Variants in ITFG1 observed in about 807,000 individuals in gnomAD.
The protein encoded by ITFG1 is T-cell immunomodulatory protein.
ITFG1 carries 34 observed loss-of-function variants against 81.8 expected under a neutral mutation model. That is an observed-to-expected ratio of 0.42 (90% CI 0.32 to 0.55). The LOEUF (loss-of-function observed/expected upper bound fraction) is 0.55, where lower values mean the gene tolerates loss of function less well. ITFG1 is among the 20% of genes least tolerant of loss of function. The probability of loss-of-function intolerance (pLI) is 0.17; values close to 1 mark genes in which losing one functional copy is unlikely to be tolerated. For missense variants in ITFG1, 672 were observed against 755.4 expected, an observed-to-expected ratio of 0.89 and a Z score of 1.29; for synonymous variants, 285 against 270.6, an observed-to-expected ratio of 1.05 and a Z score of -0.52.
At chr16:47,288,078 C>A (rs1966877119) in intron 10 of ITFG1, among the ~76,000 whole-genome samples, 1 of 152,168 alleles carries the variant, frequency 6.6e-6, no homozygotes, top group South Asian at 2.1e-4. Context: ...GAGAAAGAGT[C>A]TATTAACCAA....
intron 10 of ITFG1, among the ~76,000 whole-genome samples, chr16:47,273,289 T>C (rs562566818): frequency 1.3e-5 from 2 of 152,072 alleles, no homozygotes; most frequent in East Asian, 3.9e-4. Flanking sequence ...CAGTTCTACA[T>C]GGAGAAGAAA....
intron 8 of ITFG1, among the ~76,000 whole-genome samples, chr16:47,334,269 C>T (rs1415740724): frequency 3.3e-5 from 5 of 151,766 alleles, no homozygotes; most frequent in African/African-American, 4.8e-5. Flanking sequence ...GGCAACATGG[C>T]CAAAGGAAGT....
intron 5 of ITFG1, among the ~76,000 whole-genome samples, chr16:47,435,321 C>T (rs1477031780): frequency 6.6e-6 from 1 of 152,040 alleles, no homozygotes; most frequent in Non-Finnish European, 1.5e-5. Flanking sequence ...CATTTGAAGG[C>T]TAAGGTCACA....
chr16:47,332,823 T>G (rs1408153353), intron 8 of ITFG1, among the ~76,000 whole-genome samples: 1 of 152,204 alleles, frequency 6.6e-6, no homozygotes, highest in African/African-American at 2.4e-5. Context: ...CATAAGTCAG[T>G]GAACAACATC....
chr16:47,432,515 C>T (rs1969108278), intron 5 of ITFG1, among the ~76,000 whole-genome samples: 1 of 152,210 alleles, frequency 6.6e-6, no homozygotes, highest in South Asian at 2.1e-4. Flanking sequence ...GCCTTCTACA[C>T]ATATTTTAGC....
intron 4 of ITFG1, among the ~76,000 whole-genome samples, chr16:47,451,723 A>C (rs1246403614): frequency 2.0e-5 from 3 of 152,212 alleles, no homozygotes; most frequent in Non-Finnish European, 2.9e-5. Context: ...TGTGATTCAG[A>C]TGGACTAGCT....
upstream of ITFG1, chr16:47,461,069 C>A (rs1969536162): frequency 6.6e-7 from 1 of 1,510,248 alleles, no homozygotes; most frequent in Admixed American, 2.1e-5. Flanking sequence ...CCCCCGCCCG[C>A]CGGCCCAACG....
Position 47,369,226 on chromosome 16 carries a change from G to A in ITFG1, c.721-3357C>T, listed in dbSNP as rs183807140. Among the ~76,000 whole-genome samples the A allele has an allele frequency of 3.9e-5, 6 of 152,270 alleles. No individual in the cohort carries two copies. The East Asian group carries it at 1.2e-3, about 29-fold the overall frequency. ...AGGCAGGAGAAACATGATCAATACT[G>A]TTTTTCATTTTGAACATATTCTGGG... On this transcript the variant is annotated intron_variant, in intron 7 of 17. Coordinates refer to ENST00000320640, the MANE Select transcript of ITFG1 (RefSeq NM_030790.5).
At chr16:47,357,614 C>CAAAAAA (rs75054901) in intron 8 of ITFG1, among the ~76,000 whole-genome samples, 2 of 61,142 alleles carry the variant, frequency 3.3e-5, no homozygotes, top group Non-Finnish European at 6.8e-5. Context: ...GACTCCGTCT[C>CAAAAAA]AAAAAAAAAA....
At chr16:47,302,131 C>T (rs992852018) in intron 10 of ITFG1, among the ~76,000 whole-genome samples, 1 of 152,138 alleles carries the variant, frequency 6.6e-6, no homozygotes, top group African/African-American at 2.4e-5. Flanking sequence ...AAATAAGTAC[C>T]TGCTACTAAA....
chr16:47,321,778 GAAAAT>G (rs1967452428), intron 8 of ITFG1, among the ~76,000 whole-genome samples: 1 of 152,068 alleles, frequency 6.6e-6, no homozygotes, highest in African/African-American at 2.4e-5. Flanking sequence ...GATACTTTTA[GAAAAT>G]AAAATTAAGA....
At chr16:47,369,963 C>A (rs934459553) in intron 7 of ITFG1, among the ~76,000 whole-genome samples, 1 of 151,224 alleles carries the variant, frequency 6.6e-6, no homozygotes, top group Admixed American at 6.6e-5. Flanking sequence ...TTCAGCCTCC[C>A]GAGTAGCTGG....
intron 5 of ITFG1, among the ~76,000 whole-genome samples, chr16:47,437,838 G>A (rs766534886): frequency 8.5e-5 from 13 of 152,228 alleles, no homozygotes; most frequent in Admixed American, 2.6e-4. Context: ...GGGGAATGCC[G>A]GACAGTGGGT....
intron 12 of ITFG1, among the ~76,000 whole-genome samples, chr16:47,248,074 T>TA (rs35146753): frequency 0.12 from 18,103 of 152,260 alleles, 2,339 homozygotes; most frequent in African/African-American, 0.33. Flanking sequence ...ATCTAAAACT[T>TA]AATATAGGAT....
chr16:47,372,322 G>C lies in ITFG1; in HGVS notation c.720+3554C>G, dbSNP rs542159874. On this transcript the variant is annotated intron_variant, in intron 7 of 17. Transcript: ENST00000320640. Reference sequence around the variant, plus strand: ...TGCAGTGGTGCAATCATAGCTCACTGCAGCCTCAAACTCTTGGGCTCAAGC... The same window carrying C: ...TGCAGTGGTGCAATCATAGCTCACTCCAGCCTCAAACTCTTGGGCTCAAGC... Among the ~76,000 whole-genome samples the C allele has an allele frequency of 2.0e-5, 3 of 152,216 alleles. No individual in the cohort carries two copies. The South Asian group carries it at 6.2e-4, about 32-fold the overall frequency.
At chr16:47,302,747 T>C (rs1967095572) in intron 10 of ITFG1, among the ~76,000 whole-genome samples, 2 of 152,246 alleles carry the variant, frequency 1.3e-5, no homozygotes, top group South Asian at 2.1e-4. Flanking sequence ...ATATGCTTCA[T>C]TTCACAGATG....
At chr16:47,163,500 C>T (rs1004456731) in intron 14 of ITFG1, among the ~76,000 whole-genome samples, 5 of 152,142 alleles carry the variant, frequency 3.3e-5, no homozygotes, top group African/African-American at 1.2e-4. Context: ...AATAATACTC[C>T]ACTTTGTTAT....
intron 14 of ITFG1, among the ~76,000 whole-genome samples, chr16:47,173,280 C>G (rs1171442290): frequency 2.0e-5 from 3 of 152,156 alleles, no homozygotes; most frequent in African/African-American, 7.2e-5. Flanking sequence ...TATTAAATAA[C>G]TTACTTAGTA....
intron 14 of ITFG1, among the ~76,000 whole-genome samples, chr16:47,173,263 T>C (rs1222867784): frequency 6.6e-6 from 1 of 152,148 alleles, no homozygotes; most frequent in Non-Finnish European, 1.5e-5. Flanking sequence ...TGCCTAACAC[T>C]AGATAGTATT....
Sources: gnomAD v4.1 joint callset for allele counts (sites outside exome capture counted in the v4.1 genomes callset) on GRCh38, gnomAD v4.1.1 for gene constraint, MANE v1.5 for transcripts, NCBI Gene and HGNC (gene_info 2026-07-23, HGNC 2026-07-21) for gene names.